The following TMEM38B variants were observed in gnomAD, a reference collection of about 807,000 sequenced individuals.
The protein encoded by TMEM38B is trimeric intracellular cation channel type B.
A neutral mutation model predicts 28.7 loss-of-function variants in TMEM38B; 24 were observed. That is an observed-to-expected ratio of 0.84 (90% CI 0.61 to 1.18). TMEM38B has a LOEUF of 1.18. TMEM38B is among the 50% of genes most tolerant of loss of function. The pLI is 0.00. For synonymous variants in TMEM38B, 131 were observed against 127.7 expected (o/e 1.03, Z -0.17); for missense variants, 380 against 350.9 (o/e 1.08, Z -0.66).
chr9:105,705,736 A>G lies in TMEM38B; in HGVS notation c.252A>G (p.Leu84=). ...TTCTTGCAAACCACACTAACATATT[A>G]CTGGCATCTTCAATCTGGTAAGCTG... is the stretch of plus-strand genomic sequence containing the variant. ...LKFLANHTNI[L]LASSIWYITF... The change falls in exon 2 of 6, where the codon TTA becomes TTG. Residue 84 remains leucine (L), a synonymous_variant. Transcript: ENST00000374692. The G allele has an allele frequency of 6.2e-7, 1 of 1,613,276 alleles. No individual in the cohort carries two copies. The highest frequency in any genetic ancestry group is 8.5e-7 in the Non-Finnish European group (1 of 1,179,864).
rs757700902 is a variant in TMEM38B at position 105,694,651 on chromosome 9, G to A, written c.-10G>A. ...CGCGGCTGCTTCGGTTGCCGCGGTC[G>A]GTGGTCGTTATGGATTCTCCATGGG... is the stretch of plus-strand genomic sequence containing the variant. On this transcript the variant is annotated 5_prime_UTR_variant, in exon 1 of 6. Coordinates refer to ENST00000374692, the MANE Select transcript of TMEM38B (RefSeq NM_018112.3). 4.3e-6 allele frequency: 7 copies of A among 1,611,146 alleles called. No homozygotes were observed. The highest frequency in any genetic ancestry group is 1.7e-5 in the Admixed American group (1 of 59,960).
chr9:105,724,470 A>C (rs947924936), intron 4 of TMEM38B, among the ~76,000 whole-genome samples: 1 of 152,072 alleles, frequency 6.6e-6, no homozygotes, highest in Non-Finnish European at 1.5e-5. Context: ...TAAAAATACA[A>C]AAACTAACTG....
intron 4 of TMEM38B, among the ~76,000 whole-genome samples, chr9:105,732,198 C>G (rs1404500851): frequency 1.3e-5 from 2 of 152,232 alleles, no homozygotes; most frequent in East Asian, 3.9e-4. Context: ...TTTGTAGATT[C>G]TGGATATTAG....
rs375654157 is a variant in TMEM38B at position 105,748,061 on chromosome 9, T to G, written c.543-12T>G. 2.4e-5 allele frequency: 38 copies of G among 1,578,534 alleles called. No individual in the cohort carries two copies. The highest frequency in any genetic ancestry group is 3.1e-5 in the Non-Finnish European group (36 of 1,149,560). On this transcript the variant is annotated splice_polypyrimidine_tract_variant and intron_variant, in intron 4 of 5. Coordinates refer to ENST00000374692, the MANE Select transcript of TMEM38B (RefSeq NM_018112.3). ...TTATTACTTGCTGATTTAAAATGTG[T>G]TTTATTTTCAGCCCTGCCAAGGTAA...
In TMEM38B at chr9:105,776,010, A is replaced by G. The variant is rs773394573; in HGVS notation, c.*1930A>G. On this transcript the variant is annotated 3_prime_UTR_variant, in exon 6 of 6. Transcript: ENST00000374692. ...TCTTTTGTAAAAAATGTACTGGAGA[A>G]CATGGCTTAGGCCTGAAACCCATCC... 3 of 152,202 alleles carry G rather than the reference A, an allele frequency of 2.0e-5. No individual in the cohort carries two copies. Among genetic ancestry groups the G allele is most frequent in the Non-Finnish European group, 4.4e-5 (3 of 68,036 alleles). The allele number at this position is 152,202 out of a possible 1,614,324, so 9.4% of individuals were successfully genotyped here. A position where few individuals can be genotyped will look rare whatever the true frequency, so the allele number is the denominator to read the frequency against.
At chr9:105,724,082 C>CTTGT in intron 4 of TMEM38B, among the ~76,000 whole-genome samples, 1 of 144,160 alleles carries the variant, frequency 6.9e-6, no homozygotes, top group East Asian at 2.1e-4. Context: ...GTGATCCACC[C>CTTGT]ACCTTGGCCT....
intron 5 of TMEM38B, among the ~76,000 whole-genome samples, chr9:105,770,264 T>A (rs2133654782): frequency 6.6e-6 from 1 of 152,302 alleles, no homozygotes. Flanking sequence ...ATATGCTAAC[T>A]TGACTTTTAA....
intron 4 of TMEM38B, among the ~76,000 whole-genome samples, chr9:105,731,288 G>T (rs1324964635): frequency 3.4e-5 from 5 of 146,342 alleles, no homozygotes; most frequent in African/African-American, 8.0e-5. Flanking sequence ...TGGTTTCAAA[G>T]AACATCTTTA....
chr9:105,758,269 G>A (rs1263383746), intron 5 of TMEM38B: 1 of 674,820 alleles, frequency 1.5e-6, no homozygotes, highest in Non-Finnish European at 2.7e-6. Flanking sequence ...TGGACACTGA[G>A]GCTCACAGAC....
intron 4 of TMEM38B, among the ~76,000 whole-genome samples, chr9:105,743,686 A>C (rs1282547588): frequency 6.6e-6 from 1 of 152,168 alleles, no homozygotes; most frequent in Non-Finnish European, 1.5e-5. Flanking sequence ...TATGAGAACC[A>C]GTTGTGTACA....
rs368482835 is a variant in TMEM38B at position 105,759,085 on chromosome 9, T to C, written c.660+10895T>C. The stretch of plus-strand genomic sequence containing the variant: ...TGGGTATTATCTGCCATGAAGTGCC[T>C]AGCAAATTGGCCAAGAAGTGATGAT... On this transcript the variant is annotated intron_variant, in intron 5 of 5. Transcript: ENST00000374692. 81 of 801,192 alleles carry C rather than the reference T, an allele frequency of 1.0e-4. No homozygotes were observed. In the African/African-American group the frequency reaches 1.0e-3, roughly 10 times the overall value. 49.6% of individuals were successfully genotyped at this position (801,192 alleles called of 1,614,324 possible).
intron 4 of TMEM38B, among the ~76,000 whole-genome samples, chr9:105,735,410 A>G (rs537447951): frequency 6.6e-6 from 1 of 152,202 alleles, no homozygotes; most frequent in Non-Finnish European, 1.5e-5. Context: ...TACTTTCATG[A>G]TAGTAATTAT....
In TMEM38B at chr9:105,721,550, T is replaced by C. The variant is rs1356387383; in HGVS notation, c.283T>C (p.Phe95Leu). ...TTTCATTTTCAGGTATATTACATTT[T>C]TTTGCCCGCATGACCTAGTTTCCCA... ...LASSIWYITF[F>L]CPHDLVSQGY... is the part of the protein sequence containing the mutation. The change falls in exon 3 of 6, where the codon TTT (phenylalanine) becomes CTT (leucine). Residue 95 changes from phenylalanine (F) to leucine (L), a missense_variant. Transcript: ENST00000374692. 10 of 1,597,028 alleles carry C rather than the reference T, an allele frequency of 6.3e-6. No individual in the cohort carries two copies. Among genetic ancestry groups the C allele is most frequent in the Non-Finnish European group, 8.5e-6 (10 of 1,172,840 alleles).
In TMEM38B at chr9:105,774,883, C is replaced by G. The variant is rs1410167890; in HGVS notation, c.*803C>G. 6.6e-6 allele frequency: 1 copy of G among 151,820 alleles called. No homozygotes were observed. The highest frequency in any genetic ancestry group is 2.4e-5 in the African/African-American group (1 of 41,384). The allele number at this position is 151,820 out of a possible 1,614,324, so 9.4% of individuals were successfully genotyped here. ...TTAGGAGCTTGACTTATTTTTTTCT[C>G]TCTCATAAAAACACATTTGTTTTAA... is the stretch of plus-strand genomic sequence containing the variant. On this transcript the variant is annotated 3_prime_UTR_variant, in exon 6 of 6. Transcript: ENST00000374692.
chr9:105,702,028 A>G (rs1835478220), intron 1 of TMEM38B, among the ~76,000 whole-genome samples: 1 of 152,176 alleles, frequency 6.6e-6, no homozygotes, highest in African/African-American at 2.4e-5. Context: ...CAGCCTGGCC[A>G]ACATAGTGAG....
chr9:105,773,976 A>C lies in TMEM38B; in HGVS notation c.772A>C (p.Ser258Arg), dbSNP rs1826645047. ...QQPFSSCEKK[S>R]EAKSPSNGVG... ...GCCGTTTTCATCATGTGAGAAGAAA[A>C]GTGAAGCAAAGTCACCTTCCAATGG... is the stretch of plus-strand genomic sequence containing the variant. The change falls in exon 6 of 6, where the codon AGT becomes CGT. Residue 258 changes from serine to arginine, a missense_variant. By Grantham distance (110) the Ser-to-Arg change is moderately radical. Transcript: ENST00000374692. The C allele has an allele frequency of 2.5e-6, 4 of 1,613,824 alleles. No homozygotes were observed. Among genetic ancestry groups the C allele is most frequent in the Non-Finnish European group, 3.4e-6 (4 of 1,179,810 alleles).
chr9:105,731,063 C>T (rs1390727710), intron 4 of TMEM38B, among the ~76,000 whole-genome samples: 1 of 151,982 alleles, frequency 6.6e-6, no homozygotes, highest in East Asian at 1.9e-4. Context: ...TCTCTATCTC[C>T]TTCAGTTCTG....
chr9:105,736,521 A>G (rs188624773), intron 4 of TMEM38B, among the ~76,000 whole-genome samples: 3 of 151,938 alleles, frequency 2.0e-5, no homozygotes. Context: ...GTTTTGTTGA[A>G]TTATCTATCT....
intron 5 of TMEM38B, among the ~76,000 whole-genome samples, chr9:105,764,930 T>G (rs1449606517): frequency 6.6e-6 from 1 of 152,136 alleles, no homozygotes; most frequent in East Asian, 1.9e-4. Context: ...TAACGCCGCA[T>G]ATGTACAACT....
Sources: allele counts gnomAD v4.1 joint callset (sites outside exome capture counted in the v4.1 genomes callset), GRCh38; gene constraint gnomAD v4.1.1; transcripts MANE v1.5; gene names NCBI Gene and HGNC (gene_info 2026-07-23, HGNC 2026-07-21).